Variants in CPNE4 observed in about 807,000 individuals in gnomAD.
The protein encoded by CPNE4 is copine-4.
In CPNE4, 25 loss-of-function variants were observed where a neutral mutation model predicts 67.9. That is an observed-to-expected ratio of 0.37 (90% CI 0.27 to 0.51). The LOEUF is 0.51. CPNE4 is among the 20% of genes least tolerant of loss of function. The pLI, the probability that CPNE4 is intolerant of heterozygous loss-of-function variation, is 0.93. For missense variants in CPNE4, 464 were observed against 690.8 expected (o/e 0.67, Z 3.68); for synonymous variants, 242 against 244.9 (o/e 0.99, Z 0.11).
At chr3:131,696,759 A>C in intron 4 of CPNE4, 143 bp from the exon 5 acceptor site, 1 of 684,854 alleles carries the variant, frequency 1.5e-6, no homozygotes, top group Non-Finnish European at 2.6e-6. Context: ...CCTAGTGACT[A>C]CAGCACAGCA....
At chr3:131,908,581 C>G (rs1003812558) in intron 1 of CPNE4, among the ~76,000 whole-genome samples, 2 of 152,180 alleles carry the variant, frequency 1.3e-5, no homozygotes, top group Non-Finnish European at 1.5e-5. Flanking sequence ...GTCCTTCTAA[C>G]TTTCCCTATC....
intron 7 of CPNE4, among the ~76,000 whole-genome samples, chr3:131,612,200 C>A (rs564985948): frequency 6.6e-6 from 1 of 152,160 alleles, no homozygotes; most frequent in South Asian, 2.1e-4. Flanking sequence ...ATGGTGAAAC[C>A]CCATGTCTAC....
chr3:131,945,078 A>G (rs1407391272), intron 1 of CPNE4, among the ~76,000 whole-genome samples: 1 of 152,198 alleles, frequency 6.6e-6, no homozygotes, highest in Non-Finnish European at 1.5e-5. Context: ...GGCACTTACT[A>G]GCCATGTGGC....
At chr3:131,690,189 T>A (rs567440607) in intron 5 of CPNE4, among the ~76,000 whole-genome samples, 5 of 152,094 alleles carry the variant, frequency 3.3e-5, no homozygotes, top group Non-Finnish European at 7.4e-5. Flanking sequence ...GAAAAAGCTA[T>A]TGTAAAATTC....
chr3:131,814,572 A>ATTTTTTTTTTTTTTTTT, intron 2 of CPNE4, among the ~76,000 whole-genome samples: 1 of 71,072 alleles, frequency 1.4e-5, no homozygotes, highest in Non-Finnish European at 2.7e-5. Flanking sequence ...TTGAAATGCA[A>ATTTTTTTTTTTTTTTTT]TTTTTTTTTT....
chr3:132,019,663 C>A (rs1452339063), intron 1 of CPNE4, among the ~76,000 whole-genome samples: 3 of 152,112 alleles, frequency 2.0e-5, no homozygotes, highest in Admixed American at 2.0e-4. Context: ...TCCCTTGACC[C>A]AATGATGCCA....
At chr3:131,698,582 C>T (rs1443939131) in intron 4 of CPNE4, among the ~76,000 whole-genome samples, 1 of 148,938 alleles carries the variant, frequency 6.7e-6, no homozygotes, top group Non-Finnish European at 1.5e-5. Context: ...CTTTCACTGA[C>T]AGCTCTTTTG....
intron 2 of CPNE4, among the ~76,000 whole-genome samples, chr3:131,899,323 T>C (rs890209267): frequency 1.3e-5 from 2 of 152,086 alleles, no homozygotes; most frequent in African/African-American, 4.8e-5. Flanking sequence ...ATTGTTGCCA[T>C]AGGATTAAAG....
In CPNE4 at chr3:131,968,585, C is replaced by A. The variant is rs184267085; in HGVS notation, c.-1-63141G>T. On this transcript the variant is annotated intron_variant, in intron 1 of 15. Transcript: ENST00000429747. ...TCTTTAAAAGAAGACATTTATGCGACCAACAAACATTTGAAAAAAAGCTCA... is the reference window on the plus strand; with the variant it reads ...TCTTTAAAAGAAGACATTTATGCGAACAACAAACATTTGAAAAAAAGCTCA... Among the ~76,000 whole-genome samples the A allele has an allele frequency of 1.1e-3, 168 of 152,258 alleles. 1 individual carries two copies. The highest frequency in any genetic ancestry group is 1.0e-4 in the Non-Finnish European group (7 of 68,022).
chr3:131,678,421 C>T (rs1035353409), intron 6 of CPNE4, among the ~76,000 whole-genome samples: 11 of 152,090 alleles, frequency 7.2e-5, no homozygotes, highest in Non-Finnish European at 1.3e-4. Context: ...TTTGAATGCC[C>T]TTTATTTCTT....
intron 9 of CPNE4, 114 bp from the exon 10 acceptor site, chr3:131,575,244 C>CA (rs1463298644): frequency 1.2e-6 from 1 of 815,750 alleles, no homozygotes; most frequent in African/African-American, 1.7e-5. Flanking sequence ...AAAGGGCAGA[C>CA]AGACATCATT....
intron 2 of CPNE4, among the ~76,000 whole-genome samples, chr3:131,860,685 G>A (rs1159190187): frequency 1.3e-5 from 2 of 151,528 alleles, no homozygotes; most frequent in East Asian, 1.9e-4. Context: ...AAGAGTCTTG[G>A]TTTTTTTATC....
Position 131,905,482 on chromosome 3 carries a change from A to C in CPNE4, c.-1-38T>G, listed in dbSNP as rs1254915449. 1.9e-6 allele frequency: 3 copies of C among 1,555,288 alleles called. No homozygotes were observed. The African/African-American group carries it at 4.1e-5, about 21-fold the overall frequency. ...AGTAAAAGAATAAAAAAGAAGTGCC[A>C]ATCACTGCAATATTTGTCAAAGGAG... On this transcript the variant is annotated intron_variant, in intron 1 of 15. Transcript: ENST00000429747.
chr3:131,637,380 T>C (rs774712604), intron 7 of CPNE4, among the ~76,000 whole-genome samples: 1 of 152,184 alleles, frequency 6.6e-6, no homozygotes, highest in Non-Finnish European at 1.5e-5. Flanking sequence ...ATGAAATACT[T>C]AGAGTAATGC....
intron 4 of CPNE4, among the ~76,000 whole-genome samples, chr3:131,697,891 C>T (rs1194989260): frequency 6.6e-6 from 1 of 151,998 alleles, no homozygotes; most frequent in Non-Finnish European, 1.5e-5. Context: ...GCTATTAAAG[C>T]CAATGTTTTG....
intron 1 of CPNE4, among the ~76,000 whole-genome samples, chr3:132,007,078 C>T (rs2107672346): frequency 6.6e-6 from 1 of 152,218 alleles, no homozygotes; most frequent in Middle Eastern, 3.4e-3. Flanking sequence ...TGCTCGGCAC[C>T]TCTACCAGGT....
At chr3:131,574,944 T>G in intron 10 of CPNE4, 127 bp downstream of exon 10, 2 of 738,718 alleles carry the variant, frequency 2.7e-6, no homozygotes, top group Non-Finnish European at 4.7e-6. Flanking sequence ...GCTTCAACAA[T>G]GAGACTTGAA....
intron 8 of CPNE4, among the ~76,000 whole-genome samples, chr3:131,583,168 C>A (rs1937954707): frequency 6.6e-6 from 1 of 152,164 alleles, no homozygotes; most frequent in South Asian, 2.1e-4. Flanking sequence ...TAAAATCAGA[C>A]CCCTAGCCTT....
intron 6 of CPNE4, among the ~76,000 whole-genome samples, chr3:131,683,466 C>T (rs529740184): frequency 4.6e-5 from 7 of 152,184 alleles, no homozygotes; most frequent in African/African-American, 7.2e-5. Context: ...TGCCTGGTGC[C>T]CTATTCTATT....
Sources: gnomAD v4.1 joint callset for allele counts (sites outside exome capture counted in the v4.1 genomes callset) on GRCh38, gnomAD v4.1.1 for gene constraint, MANE v1.5 for transcripts, NCBI Gene and HGNC (gene_info 2026-07-23, HGNC 2026-07-21) for gene names.